PSD3: variants seen among roughly 807,000 people sequenced by gnomAD.
PSD3 encodes the protein PH and SEC7 domain-containing protein 3.
PSD3 carries 49 observed loss-of-function variants against 105.5 expected under a neutral mutation model. That is an observed-to-expected ratio of 0.46 (90% confidence interval 0.37 to 0.59). The LOEUF (loss-of-function observed/expected upper bound fraction) is 0.59, where lower values mean the gene tolerates loss of function less well. Among genes scored for constraint, PSD3 ranks in the 20% least tolerant of loss-of-function variants. PSD3 has a pLI of 0.00. For missense variants in PSD3, 1,561 were observed against 1,263.8 expected, an observed-to-expected ratio of 1.24 and a Z score of -3.57; for synonymous variants, 557 against 457.8, an observed-to-expected ratio of 1.22 and a Z score of -2.77.
intron 4 of PSD3, among the ~76,000 whole-genome samples, chr8:18,821,684 A>ACACACACACAC: frequency 7.6e-6 from 1 of 131,398 alleles, no homozygotes; most frequent in South Asian, 2.6e-4. Flanking sequence ...TGACCCCCAC[A>ACACACACACAC]ACACACACAC....
chr8:18,602,466 T>C (rs1282729518), intron 11 of PSD3, among the ~76,000 whole-genome samples: 1 of 151,988 alleles, frequency 6.6e-6, no homozygotes, highest in Non-Finnish European at 1.5e-5. Flanking sequence ...CTTAACCTTA[T>C]CTTTGGCCAG....
chr8:18,602,743 G>A lies in PSD3; in HGVS notation c.2411-2309C>T, dbSNP rs540965479. Among the ~76,000 whole-genome samples the A allele has an allele frequency of 5.3e-5, 8 of 152,220 alleles. No individual in the cohort carries two copies. In the East Asian group the frequency reaches 1.2e-3, roughly 22 times the overall value. ...ACTGTGCACTAAAGTGGGCTGGGAA[G>A]GCTCTCTAGAGCAGGTGCAACTGCT... On this transcript the variant is annotated intron_variant, in intron 11 of 15. Coordinates refer to ENST00000327040, the MANE Select transcript of PSD3 (RefSeq NM_015310.4).
At chr8:18,902,253 C>T (rs80258671) in intron 2 of PSD3, among the ~76,000 whole-genome samples, 4,147 of 152,256 alleles carry the variant, frequency 0.027, 215 homozygotes, top group African/African-American at 0.094. Flanking sequence ...GAGATTCTTA[C>T]GCTTGATCAA....
At chr8:18,641,979 A>T (rs1157796760) in intron 10 of PSD3, among the ~76,000 whole-genome samples, 3 of 152,178 alleles carry the variant, frequency 2.0e-5, no homozygotes, top group African/African-American at 7.2e-5. Flanking sequence ...TTCTCTAAAA[A>T]TACCTTATTT....
At chr8:19,024,964 T>C (rs1404450608) in intron 1 of PSD3, among the ~76,000 whole-genome samples, 1 of 152,122 alleles carries the variant, frequency 6.6e-6, no homozygotes. Flanking sequence ...TAGTAAATTA[T>C]CAATCCTGAG....
At chr8:18,770,143 T>C (rs1807379012) in intron 8 of PSD3, among the ~76,000 whole-genome samples, 1 of 152,196 alleles carries the variant, frequency 6.6e-6, no homozygotes, top group Non-Finnish European at 1.5e-5. Context: ...GACACTAACA[T>C]CTGTCCCTTT....
chr8:18,936,035 A>G lies in PSD3; in HGVS notation c.129T>C (p.Thr43=), dbSNP rs1181110696. Reference sequence around the variant, plus strand: ...AGAGGGATATGAGGAAATACTTACTAGTATCTGGAGCTTTCCCTTCAGATC... The same window carrying G: ...AGAGGGATATGAGGAAATACTTACTGGTATCTGGAGCTTTCCCTTCAGATC... The part of the protein sequence containing the change: ...FGRSEGKAPD[T]SDHGGSTLLP... Residue 43 remains threonine (T), a splice_region_variant and synonymous_variant, in exon 2 of 16, where the codon ACT becomes ACC. Transcript: ENST00000327040. 3.8e-6 allele frequency: 6 copies of G among 1,588,740 alleles called. No individual in the cohort carries two copies. Among genetic ancestry groups the G allele is most frequent in the Non-Finnish European group, 5.2e-6 (6 of 1,157,726 alleles).
At chr8:18,900,246 A>G (rs984929604) in intron 2 of PSD3, among the ~76,000 whole-genome samples, 1 of 152,004 alleles carries the variant, frequency 6.6e-6, no homozygotes, top group African/African-American at 2.4e-5. Flanking sequence ...CACTAACCTC[A>G]TTTTTTCTTA....
At chr8:18,997,190 T>C (rs1406274145) in intron 1 of PSD3, among the ~76,000 whole-genome samples, 4 of 151,896 alleles carry the variant, frequency 2.6e-5, no homozygotes, top group Non-Finnish European at 4.4e-5. Flanking sequence ...AGCCCCTTCC[T>C]CTGTAATCCA....
At position 18,831,898 on chromosome 8, in the gene PSD3, C is replaced by CA. The variant is rs79864790; in HGVS notation, c.1635-27001dup. ...ATTTATAGTAACAGAATAAATATAA[C>CA]AAAAAAAAAATAGAAAAAGTATGGG... On this transcript the variant is annotated intron_variant, in intron 4 of 15. Coordinates refer to ENST00000327040, the MANE Select transcript of PSD3 (RefSeq NM_015310.4). Among the ~76,000 whole-genome samples the CA allele has an allele frequency of 4.0e-3, 585 of 147,204 alleles. 1 individual carries two copies. The highest frequency in any genetic ancestry group is 8.1e-3 in the African/African-American group (324 of 40,128).
intron 1 of PSD3, among the ~76,000 whole-genome samples, chr8:18,949,518 C>T (rs1025027007): frequency 2.6e-5 from 4 of 151,738 alleles, no homozygotes; most frequent in Non-Finnish European, 5.9e-5. Context: ...GTAAGAAATA[C>T]ATGTCCCACT....
At chr8:18,674,256 GA>G (rs1235261869) in intron 9 of PSD3, among the ~76,000 whole-genome samples, 1 of 152,182 alleles carries the variant, frequency 6.6e-6, no homozygotes, top group Non-Finnish European at 1.5e-5. Context: ...GTCCTCGTTC[GA>G]CTCACTGCCC....
intron 10 of PSD3, among the ~76,000 whole-genome samples, chr8:18,642,790 C>A (rs1283577141): frequency 6.6e-6 from 1 of 152,188 alleles, no homozygotes; most frequent in East Asian, 1.9e-4. Context: ...CCATCTCAAT[C>A]TCATTATCAA....
intron 9 of PSD3, among the ~76,000 whole-genome samples, chr8:18,672,671 G>C (rs1479325695): frequency 6.6e-6 from 1 of 152,158 alleles, no homozygotes; most frequent in African/African-American, 2.4e-5. Context: ...AAAATAAGTT[G>C]CATGGACAAT....
At chr8:18,655,108 G>A (rs9657490) in intron 10 of PSD3, among the ~76,000 whole-genome samples, 14,839 of 151,826 alleles carry the variant, frequency 0.098, 1,334 homozygotes, top group African/African-American at 0.24. Context: ...TGGATCACGA[G>A]GTCAGGAGAT....
intron 14 of PSD3, among the ~76,000 whole-genome samples, chr8:18,560,832 A>T (rs977863397): frequency 6.6e-6 from 1 of 152,224 alleles, no homozygotes; most frequent in African/African-American, 2.4e-5. Flanking sequence ...CTTCATATCG[A>T]AACTTAATCC....
intron 1 of PSD3, among the ~76,000 whole-genome samples, chr8:19,080,804 G>T (rs937306833): frequency 6.6e-6 from 1 of 152,136 alleles, no homozygotes; most frequent in African/African-American, 2.4e-5. Flanking sequence ...TAAAATTGAG[G>T]TCAGTAAAAA....
intron 2 of PSD3, among the ~76,000 whole-genome samples, chr8:18,910,801 T>G (rs970374074): frequency 6.6e-6 from 1 of 152,148 alleles, no homozygotes; most frequent in East Asian, 1.9e-4. Context: ...AGTTTTGTTT[T>G]GTTTTATTTT....
At chr8:18,806,667 T>C (rs1811232325) in intron 4 of PSD3, among the ~76,000 whole-genome samples, 1 of 152,230 alleles carries the variant, frequency 6.6e-6, no homozygotes, top group Non-Finnish European at 1.5e-5. Flanking sequence ...GTTGTTGTTT[T>C]GTTACAACCT....
Sources: gnomAD v4.1 joint callset for allele counts (sites outside exome capture counted in the v4.1 genomes callset) on GRCh38, gnomAD v4.1.1 for gene constraint, MANE v1.5 for transcripts, NCBI Gene and HGNC (gene_info 2026-07-23, HGNC 2026-07-21) for gene names.